PPARGC1A: variants seen among roughly 807,000 people sequenced by gnomAD.
PPARGC1A encodes peroxisome proliferator-activated receptor gamma coactivator 1-alpha.
PPARGC1A carries 25 observed loss-of-function variants against 88.7 expected under a neutral mutation model. The observed-to-expected ratio is 0.28, with a 90% CI of 0.21 to 0.39. The LOEUF is 0.39. Ranked by LOEUF, PPARGC1A falls within the 10% of genes least tolerant of loss-of-function variation. The probability of loss-of-function intolerance (pLI) is 1.00; values close to 1 mark genes in which losing one functional copy is unlikely to be tolerated. For missense variants in PPARGC1A, 880 were observed against 968.7 expected (o/e 0.91, Z 1.22); for synonymous variants, 363 against 355.6 (o/e 1.02, Z -0.24).
chr4:24,349,796 C>T, the PPARGC1A span, among the ~76,000 whole-genome samples: 1 of 152,160 alleles, frequency 6.6e-6, no homozygotes, highest in South Asian at 2.1e-4. Context: ...CAATTCACAC[C>T]ATCCCTCAAG....
At chr4:24,387,817 A>AG in the PPARGC1A span, among the ~76,000 whole-genome samples, 53 of 106,602 alleles carry the variant, frequency 5.0e-4, 2 homozygotes, top group Admixed American at 3.1e-3. Flanking sequence ...AGAAAGAAAG[A>AG]AAGAAAGAGA....
chr4:23,932,489 A>G, the PPARGC1A span, among the ~76,000 whole-genome samples: 1 of 152,232 alleles, frequency 6.6e-6, no homozygotes, highest in African/African-American at 2.4e-5. Flanking sequence ...GAAAGGCATT[A>G]CCAAAATTAA....
chr4:24,237,242 A>AT, the PPARGC1A span, among the ~76,000 whole-genome samples: 11,238 of 148,110 alleles, frequency 0.076, 541 homozygotes, highest in African/African-American at 0.13. Context: ...CCGAGATTGG[A>AT]TTTTTTTTTT....
the PPARGC1A span, among the ~76,000 whole-genome samples, chr4:24,172,600 C>A: frequency 1.5e-4 from 23 of 152,288 alleles, no homozygotes; most frequent in African/African-American, 3.8e-4. Context: ...GGATTAAAGT[C>A]CTAGAATGTG....
the PPARGC1A span, among the ~76,000 whole-genome samples, chr4:24,273,200 G>A: frequency 1.3e-5 from 2 of 152,208 alleles, no homozygotes; most frequent in African/African-American, 4.8e-5. Context: ...AGAGCTTGGG[G>A]AGCTGCTTGA....
At chr4:24,351,528 T>G in the PPARGC1A span, among the ~76,000 whole-genome samples, 4 of 152,260 alleles carry the variant, frequency 2.6e-5, no homozygotes, top group East Asian at 7.7e-4. Context: ...ATATTTTGAC[T>G]ACACGTGTTC....
At chr4:24,015,020 C>A in the PPARGC1A span, among the ~76,000 whole-genome samples, 1 of 152,108 alleles carries the variant, frequency 6.6e-6, no homozygotes, top group African/African-American at 2.4e-5. Flanking sequence ...TTGACATTCC[C>A]AGCTCCTTCT....
chr4:23,926,886 T>C, the PPARGC1A span, among the ~76,000 whole-genome samples: 1 of 152,192 alleles, frequency 6.6e-6, no homozygotes, highest in African/African-American at 2.4e-5. Context: ...AATGAGCTCA[T>C]TGACAGCAGT....
the PPARGC1A span, among the ~76,000 whole-genome samples, chr4:24,155,252 G>A: frequency 6.6e-6 from 1 of 151,776 alleles, no homozygotes; most frequent in Non-Finnish European, 1.5e-5. Flanking sequence ...AGATCTTAAG[G>A]TGCATTTGAG....
At chr4:24,272,943 A>G in the PPARGC1A span, among the ~76,000 whole-genome samples, 3 of 152,236 alleles carry the variant, frequency 2.0e-5, no homozygotes, top group Non-Finnish European at 2.9e-5. Flanking sequence ...AGTATGCCAA[A>G]TCAATTAAAA....
intron 2 of PPARGC1A, among the ~76,000 whole-genome samples, chr4:23,878,510 C>A (rs1045530212): frequency 1.3e-5 from 2 of 152,060 alleles, no homozygotes; most frequent in Non-Finnish European, 2.9e-5. Flanking sequence ...AGACAGAGCC[C>A]TGTGGGTCAG....
chr4:24,181,886 C>A, the PPARGC1A span, among the ~76,000 whole-genome samples: 1 of 152,036 alleles, frequency 6.6e-6, no homozygotes, highest in Non-Finnish European at 1.5e-5. Context: ...GACCTTACCC[C>A]GAGAAAACAA....
At chr4:23,857,866 G>A (rs1468127762) in intron 2 of PPARGC1A, among the ~76,000 whole-genome samples, 1 of 151,606 alleles carries the variant, frequency 6.6e-6, no homozygotes, top group African/African-American at 2.4e-5. Context: ...ACTAAGCCTA[G>A]TTCAACACCC....
chr4:23,849,545 A>T (rs1416119521), intron 2 of PPARGC1A, among the ~76,000 whole-genome samples: 1 of 152,210 alleles, frequency 6.6e-6, no homozygotes, highest in East Asian at 1.9e-4. Context: ...TAGCAAATAT[A>T]AACAGGGGAT....
chr4:24,472,684 CGCCGCT>C, the PPARGC1A span, among the ~76,000 whole-genome samples: 3 of 151,888 alleles, frequency 2.0e-5, no homozygotes, highest in Admixed American at 6.6e-5. This position sits in a 1 kb window ranked among gnomAD's most constrained non-coding sequence, Gnocchi z 4.5. Context: ...CCGCCGCCGC[CGCCGCT>C]GCCGCCTTCT....
At chr4:23,815,057 G>A (rs1721697334) in intron 7 of PPARGC1A, among the ~76,000 whole-genome samples, 2 of 151,240 alleles carry the variant, frequency 1.3e-5, no homozygotes, top group South Asian at 4.2e-4. Flanking sequence ...GAGGATGCAA[G>A]CAGCTCAGGG....
chr4:23,844,108 A>G (rs1727551159), intron 2 of PPARGC1A, among the ~76,000 whole-genome samples: 1 of 150,880 alleles, frequency 6.6e-6, no homozygotes, highest in Admixed American at 6.7e-5. Flanking sequence ...TTTGGTGGTG[A>G]AAGGATGGCA....
At chr4:23,845,653 T>TA (rs576195989) in intron 2 of PPARGC1A, among the ~76,000 whole-genome samples, 71 of 152,248 alleles carry the variant, frequency 4.7e-4, no homozygotes, top group African/African-American at 1.7e-3. Context: ...AGGAGCCACT[T>TA]AGAGCTTGGG....
the PPARGC1A span, among the ~76,000 whole-genome samples, chr4:24,245,207 G>T: frequency 2.6e-5 from 4 of 152,212 alleles, no homozygotes; most frequent in African/African-American, 9.7e-5. Flanking sequence ...GAAACAGGTA[G>T]TTAATGGGAA....
Sources: gnomAD v4.1 joint callset for allele counts (sites outside exome capture counted in the v4.1 genomes callset) on GRCh38, gnomAD v4.1.1 for gene constraint, Gnocchi (gnomAD v3.1) non-coding constraint, MANE v1.5 for transcripts, NCBI Gene and HGNC (gene_info 2026-07-23, HGNC 2026-07-21) for gene names.